RUNX2: variants seen among roughly 807,000 people sequenced by gnomAD.
RUNX2 encodes runt-related transcription factor 2.
In RUNX2, 10 loss-of-function variants were observed where a neutral mutation model predicts 51.7. The ratio of observed to expected loss-of-function variants is 0.19; its 90% CI spans 0.12 to 0.33. RUNX2 has a LOEUF of 0.33. RUNX2 is among the 10% of genes least tolerant of loss of function. The probability of loss-of-function intolerance (pLI) is 1.00; values close to 1 mark genes in which losing one functional copy is unlikely to be tolerated. For missense variants in RUNX2, 562 were observed against 691.3 expected (o/e 0.81, Z 2.10); for synonymous variants, 276 against 273.6 (o/e 1.01, Z -0.09).
chr6:45,485,738 A>G (rs1247908699), intron 5 of RUNX2, among the ~76,000 whole-genome samples: 5 of 108,188 alleles, frequency 4.6e-5, no homozygotes, highest in Admixed American at 2.0e-4. Context: ...GCATCATCTT[A>G]TCTCACAAGA....
rs567642537 is a variant in RUNX2 at position 45,426,938 on chromosome 6, G to T, written c.423+3981G>T. Among the ~76,000 whole-genome samples the T allele has an allele frequency of 4.6e-5, 7 of 151,984 alleles. No individual in the cohort carries two copies. The South Asian group carries it at 1.5e-3, about 32-fold the overall frequency. On this transcript the variant is annotated intron_variant, in intron 3 of 8. Coordinates refer to ENST00000647337, the MANE Select transcript of RUNX2 (RefSeq NM_001024630.4). ...ATCAGATTTTATGTTTATATTTTTT[G>T]AATCTCATTGTATCTAAACTAGGGA...
chr6:45,461,736 T>C (rs1170223723), intron 5 of RUNX2, among the ~76,000 whole-genome samples: 1 of 150,676 alleles, frequency 6.6e-6, no homozygotes, highest in Non-Finnish European at 1.5e-5. Context: ...CAAATAGTGA[T>C]AGAATGAGGC....
intron 2 of RUNX2, among the ~76,000 whole-genome samples, chr6:45,337,308 G>GCTT (rs1394282348): frequency 6.6e-6 from 1 of 151,572 alleles, no homozygotes; most frequent in Non-Finnish European, 1.5e-5. Flanking sequence ...TGCTGGAAAA[G>GCTT]CTTGCCATTG....
intron 2 of RUNX2, among the ~76,000 whole-genome samples, chr6:45,376,863 A>G (rs1260592262): frequency 1.3e-5 from 2 of 152,206 alleles, no homozygotes; most frequent in Non-Finnish European, 2.9e-5. Flanking sequence ...ACATACATAT[A>G]TACACATACA....
At chr6:45,451,872 A>T (rs1388568460) in intron 5 of RUNX2, among the ~76,000 whole-genome samples, 1 of 152,144 alleles carries the variant, frequency 6.6e-6, no homozygotes, top group Non-Finnish European at 1.5e-5. Context: ...CAAAGGCATG[A>T]TTTCTGTTTT....
At chr6:45,525,298 A>C (rs1057475713) in intron 7 of RUNX2, among the ~76,000 whole-genome samples, 1 of 152,248 alleles carries the variant, frequency 6.6e-6, no homozygotes, top group African/African-American at 2.4e-5. Context: ...GAAACTTTTG[A>C]ATTGGGTCTT....
chr6:45,527,220 A>T (rs1216645946), intron 7 of RUNX2, among the ~76,000 whole-genome samples: 1 of 151,996 alleles, frequency 6.6e-6, no homozygotes, highest in African/African-American at 2.4e-5. Flanking sequence ...TGTAGATGAC[A>T]TGAAGTTAGA....
Position 45,545,220 on chromosome 6 carries a change from A to G in RUNX2, c.1025A>G (p.Asp342Gly). Reference sequence around the variant, plus strand: ...GCTCATCCCCCTCATTTTACAGATGATGACACTGCCACCTCTGACTTCTGC... The same window carrying G: ...GCTCATCCCCCTCATTTTACAGATGGTGACACTGCCACCTCTGACTTCTGC... ...ITDVPRRISD[D>G]DTATSDFCLW... The change falls in exon 8 of 9, where the codon GAT (aspartate) becomes GGT (glycine). Residue 342 changes from aspartate to glycine, a missense_variant. Coordinates refer to ENST00000647337, the MANE Select transcript of RUNX2 (RefSeq NM_001024630.4). 1 of 1,548,524 alleles carries G rather than the reference A, an allele frequency of 6.5e-7. No homozygotes were observed. The highest frequency in any genetic ancestry group is 8.7e-7 in the Non-Finnish European group (1 of 1,146,212).
intron 2 of RUNX2, among the ~76,000 whole-genome samples, chr6:45,413,532 G>A (rs951378467): frequency 1.5e-4 from 22 of 143,732 alleles, no homozygotes; most frequent in African/African-American, 4.1e-4. Context: ...CTGGGTTCAA[G>A]TGATTCTCCT....
intron 6 of RUNX2, among the ~76,000 whole-genome samples, chr6:45,508,436 C>T (rs1801046436): frequency 6.6e-6 from 1 of 152,112 alleles, no homozygotes; most frequent in African/African-American, 2.4e-5. Context: ...CCATGTTGGT[C>T]AGGCTGGTCT....
At position 45,438,058 on chromosome 6, in the gene RUNX2, A is replaced by G; in HGVS notation, c.685+7A>G. On this transcript the variant is annotated splice_region_variant and intron_variant, in intron 5 of 8. Coordinates refer to ENST00000647337, the MANE Select transcript of RUNX2 (RefSeq NM_001024630.4). ...GGACCTCGGGAACCCAGAAGTAAGT[A>G]CTCCCCTTTTTATTGAAGAAAGTAA... 6.5e-7 allele frequency: 1 copy of G among 1,529,110 alleles called. No homozygotes were observed. Among genetic ancestry groups the G allele is most frequent in the East Asian group, 2.3e-5 (1 of 44,442 alleles). The allele number at this position is 1,529,110 out of a possible 1,614,324, so 94.7% of individuals were successfully genotyped here. A position where few individuals can be genotyped will look rare whatever the true frequency, so the allele number is the denominator to read the frequency against.
At chr6:45,518,821 C>T (rs1801412830) in intron 7 of RUNX2, among the ~76,000 whole-genome samples, 1 of 152,104 alleles carries the variant, frequency 6.6e-6, no homozygotes, top group African/African-American at 2.4e-5. Flanking sequence ...TCAAAGAAAA[C>T]TTGAGTGTAT....
intron 5 of RUNX2, among the ~76,000 whole-genome samples, chr6:45,471,323 A>G (rs77121368): frequency 3.3e-5 from 5 of 152,282 alleles, no homozygotes; most frequent in Admixed American, 6.5e-5. Flanking sequence ...ATTTATGGAT[A>G]TAAGTCAGGG....
At chr6:45,519,454 A>T (rs1252610939) in intron 7 of RUNX2, among the ~76,000 whole-genome samples, 1 of 152,136 alleles carries the variant, frequency 6.6e-6, no homozygotes, top group Non-Finnish European at 1.5e-5. Flanking sequence ...TATGGGTTTT[A>T]TCATAATGCC....
chr6:45,439,409 T>A (rs1798779598), intron 5 of RUNX2, among the ~76,000 whole-genome samples: 1 of 152,186 alleles, frequency 6.6e-6, no homozygotes, highest in African/African-American at 2.4e-5. Flanking sequence ...GAGCTTTGCC[T>A]GGTTTGGGGC....
chr6:45,342,896 T>C (rs151151270), intron 2 of RUNX2, among the ~76,000 whole-genome samples: 334 of 152,286 alleles, frequency 2.2e-3, no homozygotes, highest in African/African-American at 7.5e-3. Context: ...ATGAAAACCA[T>C]AGAATGTCAT....
intron 5 of RUNX2, among the ~76,000 whole-genome samples, chr6:45,441,182 A>G (rs1331871035): frequency 1.3e-5 from 2 of 152,168 alleles, no homozygotes; most frequent in Admixed American, 1.3e-4. Flanking sequence ...TTTATCACTT[A>G]TAGTGGCTTG....
At chr6:45,510,269 G>A (rs887982486) in intron 6 of RUNX2, among the ~76,000 whole-genome samples, 11 of 152,140 alleles carry the variant, frequency 7.2e-5, no homozygotes, top group South Asian at 2.1e-4. Flanking sequence ...GGAAAAGTTT[G>A]TTAACCACTT....
At chr6:45,426,647 A>G (rs1233752205) in intron 3 of RUNX2, among the ~76,000 whole-genome samples, 1 of 152,244 alleles carries the variant, frequency 6.6e-6, no homozygotes, top group Non-Finnish European at 1.5e-5. Flanking sequence ...TGGACTACAT[A>G]TATTTATCAG....
Sources: gnomAD v4.1 joint callset for allele counts (sites outside exome capture counted in the v4.1 genomes callset) on GRCh38, gnomAD v4.1.1 for gene constraint, MANE v1.5 for transcripts, NCBI Gene and HGNC (gene_info 2026-07-23, HGNC 2026-07-21) for gene names.